The following CFAP58 variants were observed in gnomAD, a reference collection of about 807,000 sequenced individuals.
CFAP58 encodes cilia- and flagella-associated protein 58.
CFAP58 carries 88 observed loss-of-function variants against 119.5 expected under a neutral mutation model. That is an observed-to-expected ratio of 0.74 (90% CI 0.62 to 0.88). CFAP58 has a LOEUF of 0.88. CFAP58 is among the 40% of genes least tolerant of loss of function. The probability of loss-of-function intolerance (pLI) is 0.00; values close to 1 mark genes in which losing one functional copy is unlikely to be tolerated. For synonymous variants in CFAP58, 365 were observed against 366.3 expected (o/e 1.00, Z 0.04); for missense variants, 990 against 1,021.2 (o/e 0.97, Z 0.42).
the CFAP58 span, among the ~76,000 whole-genome samples, chr10:104,346,097 G>A: frequency 6.6e-6 from 1 of 151,990 alleles, no homozygotes; most frequent in African/African-American, 2.4e-5. Flanking sequence ...GGAAGGCGAA[G>A]TGTGAGCTGG....
At chr10:104,431,221 T>C (rs965204596) in intron 15 of CFAP58, among the ~76,000 whole-genome samples, 1 of 152,254 alleles carries the variant, frequency 6.6e-6, no homozygotes, top group Admixed American at 6.5e-5. Context: ...CCAGGTCTTA[T>C]GCTTATTCTA....
intron 11 of CFAP58, 112 bp downstream of exon 11, chr10:104,393,587 G>A: frequency 9.9e-7 from 1 of 1,012,914 alleles, no homozygotes; most frequent in Non-Finnish European, 1.4e-6. Context: ...GCCTGCCTGT[G>A]GTCACAGTTG....
At position 104,406,536 on chromosome 10, in the gene CFAP58, A is replaced by C. The variant is rs550578190; in HGVS notation, c.2152-153A>C. Reference sequence around the variant, plus strand: ...GGGGACAGGAATTTATGATTTTCTCATCTATTATACTTTATTTTTGGTTCT... The same window carrying C: ...GGGGACAGGAATTTATGATTTTCTCCTCTATTATACTTTATTTTTGGTTCT... On this transcript the variant is annotated intron_variant, in intron 14 of 17. Coordinates refer to ENST00000369704, the MANE Select transcript of CFAP58 (RefSeq NM_001008723.2). Among the ~76,000 whole-genome samples, 12 of 152,340 alleles carry C rather than the reference A, an allele frequency of 7.9e-5. 1 individual carries two copies. The South Asian group carries it at 2.5e-3, about 32-fold the overall frequency.
chr10:104,347,271 G>A, the CFAP58 span, among the ~76,000 whole-genome samples: 1 of 152,188 alleles, frequency 6.6e-6, no homozygotes, highest in Admixed American at 6.5e-5. Flanking sequence ...CTGAGCTTCG[G>A]TGCCTCCTCA....
At chr10:104,401,474 A>G (rs1003501089) in intron 13 of CFAP58, among the ~76,000 whole-genome samples, 1 of 152,202 alleles carries the variant, frequency 6.6e-6, no homozygotes, top group Admixed American at 6.5e-5. Flanking sequence ...CTTTCTTTAA[A>G]TCTTGCATTA....
At chr10:104,432,023 G>A (rs1447309907) in intron 15 of CFAP58, among the ~76,000 whole-genome samples, 1 of 151,908 alleles carries the variant, frequency 6.6e-6, no homozygotes, top group Non-Finnish European at 1.5e-5. Flanking sequence ...TGTTTCAGGG[G>A]CATCCCTGTA....
chr10:104,344,267 A>G, the CFAP58 span, among the ~76,000 whole-genome samples: 8 of 152,350 alleles, frequency 5.3e-5, no homozygotes, highest in East Asian at 7.7e-4. Context: ...ATTATGCTGT[A>G]ACCTTAGGAA....
At chr10:104,452,433 A>G (rs1000065272) in intron 17 of CFAP58, among the ~76,000 whole-genome samples, 1 of 152,162 alleles carries the variant, frequency 6.6e-6, no homozygotes, top group Non-Finnish European at 1.5e-5. Flanking sequence ...TTGGCTGTTT[A>G]TTATCTTTCT....
intron 7 of CFAP58, among the ~76,000 whole-genome samples, 200 bp downstream of exon 7, chr10:104,371,254 T>C (rs1340339522): frequency 6.6e-6 from 1 of 152,092 alleles, no homozygotes; most frequent in Admixed American, 6.6e-5. Context: ...CTTAAACAAT[T>C]CTTCCACAGG....
chr10:104,403,683 C>G, intron 13 of CFAP58, 46 bp from the exon 14 acceptor site: 1 of 1,316,340 alleles, frequency 7.6e-7, no homozygotes, highest in South Asian at 1.3e-5. Flanking sequence ...ATAGGATATT[C>G]AAACGGGTGG....
upstream of CFAP58, among the ~76,000 whole-genome samples, chr10:104,352,114 CAG>C (rs2014466998): frequency 6.6e-6 from 1 of 152,126 alleles, no homozygotes; most frequent in Non-Finnish European, 1.5e-5. Flanking sequence ...ATCATATTGA[CAG>C]AAATTAGAAA....
At chr10:104,365,461 A>T (rs1246515112) in intron 4 of CFAP58, among the ~76,000 whole-genome samples, 1 of 152,162 alleles carries the variant, frequency 6.6e-6, no homozygotes, top group African/African-American at 2.4e-5. Flanking sequence ...TACTTAGGGT[A>T]GCTAGCCACA....
intron 8 of CFAP58, among the ~76,000 whole-genome samples, chr10:104,378,802 T>C (rs113832823): frequency 3.1e-4 from 47 of 152,242 alleles, no homozygotes; most frequent in African/African-American, 1.1e-3. Flanking sequence ...TGAACACTTT[T>C]GCATGAGCAT....
chr10:104,382,428 C>T lies in CFAP58; in HGVS notation c.1365+2208C>T, dbSNP rs115798372. 317 of 497,638 alleles carry T rather than the reference C, an allele frequency of 6.4e-4. 1 individual carries two copies. Among genetic ancestry groups the T allele is most frequent in the African/African-American group, 4.9e-3 (258 of 52,398 alleles). 30.8% of individuals were successfully genotyped at this position (497,638 alleles called of 1,614,324 possible). On this transcript the variant is annotated intron_variant, in intron 9 of 17. Transcript: ENST00000369704. Reference sequence around the variant, plus strand: ...TCTCCATTCCGAGGTGCCATCACACCACCATCAGAGCTAACTCTCAAAAAT... The same window carrying T: ...TCTCCATTCCGAGGTGCCATCACACTACCATCAGAGCTAACTCTCAAAAAT...
At chr10:104,454,133 A>G (rs1199510684) in intron 17 of CFAP58, among the ~76,000 whole-genome samples, 6 of 152,212 alleles carry the variant, frequency 3.9e-5, no homozygotes, top group Admixed American at 6.5e-5. Flanking sequence ...TAAAACAGGA[A>G]GATGATTCCA....
chr10:104,356,961 T>G lies in CFAP58; in HGVS notation c.10-1380T>G, dbSNP rs371718767. Reference sequence around the variant, plus strand: ...TAACCATACCCATTCTTCTTCATTATTATGTTGTAGCTAACAAGAAGTAGG... The same window carrying G: ...TAACCATACCCATTCTTCTTCATTAGTATGTTGTAGCTAACAAGAAGTAGG... On this transcript the variant is annotated intron_variant, in intron 1 of 17. Coordinates refer to ENST00000369704, the MANE Select transcript of CFAP58 (RefSeq NM_001008723.2). 2.6e-3 allele frequency among the ~76,000 whole-genome samples: 393 copies of G among 152,348 alleles called. 4 individuals carry two copies. The highest frequency in any genetic ancestry group is 9.2e-3 in the African/African-American group (384 of 41,584).
intron 10 of CFAP58, 134 bp downstream of exon 10, chr10:104,392,528 T>G (rs1234759519): frequency 4.9e-5 from 28 of 569,944 alleles, no homozygotes; most frequent in Non-Finnish European, 5.9e-5. Flanking sequence ...AAAGATCAAT[T>G]TACGCAAAAC....
At chr10:104,396,637 G>T (rs897866740) in intron 11 of CFAP58, among the ~76,000 whole-genome samples, 1 of 152,176 alleles carries the variant, frequency 6.6e-6, no homozygotes, top group Admixed American at 6.5e-5. Context: ...GCCAAATCTG[G>T]TTACAGATAA....
At chr10:104,416,024 G>A (rs1012779959) in intron 15 of CFAP58, among the ~76,000 whole-genome samples, 10 of 152,180 alleles carry the variant, frequency 6.6e-5, no homozygotes, top group Non-Finnish European at 1.0e-4. Context: ...GATGGTGGGG[G>A]TGAAATGATG....
Sources: gnomAD v4.1 joint callset for allele counts (sites outside exome capture counted in the v4.1 genomes callset) on GRCh38, gnomAD v4.1.1 for gene constraint, MANE v1.5 for transcripts, NCBI Gene and HGNC (gene_info 2026-07-23, HGNC 2026-07-21) for gene names.